Variants in FHOD3 observed in about 807,000 individuals in gnomAD.
FHOD3 encodes the protein FH1/FH2 domain-containing protein 3.
In FHOD3, 90 loss-of-function variants were observed where a neutral mutation model predicts 173.0. The observed-to-expected ratio is 0.52, with a 90% CI of 0.44 to 0.62. The LOEUF (loss-of-function observed/expected upper bound fraction) is 0.62, where lower values mean the gene tolerates loss of function less well. Ranked by LOEUF, FHOD3 falls within the 20% of genes least tolerant of loss-of-function variation. FHOD3 has a pLI of 0.00. For synonymous variants in FHOD3, 828 were observed against 823.0 expected, an observed-to-expected ratio of 1.01 and a Z score of -0.10; for missense variants, 1,945 against 2,034.7, an observed-to-expected ratio of 0.96 and a Z score of 0.85.
At chr18:36,760,994 T>G (rs2042853296) in intron 27 of FHOD3, among the ~76,000 whole-genome samples, 2 of 152,230 alleles carry the variant, frequency 1.3e-5, no homozygotes, top group Non-Finnish European at 2.9e-5. Flanking sequence ...TACCTCACTT[T>G]ACACAGAGGG....
intron 4 of FHOD3, among the ~76,000 whole-genome samples, chr18:36,505,305 C>T (rs1472059044): frequency 6.6e-6 from 1 of 152,148 alleles, no homozygotes; most frequent in Non-Finnish European, 1.5e-5. Context: ...TGGGCAGTGG[C>T]GTAAGTGTGA....
At chr18:36,426,503 G>C (rs1369486603) in intron 3 of FHOD3, among the ~76,000 whole-genome samples, 2 of 152,186 alleles carry the variant, frequency 1.3e-5, no homozygotes. Context: ...AGTGAGCAGA[G>C]CCTGAGGAAT....
intron 5 of FHOD3, among the ~76,000 whole-genome samples, chr18:36,566,285 C>A (rs2058260630): frequency 6.6e-6 from 1 of 152,142 alleles, no homozygotes; most frequent in Non-Finnish European, 1.5e-5. Context: ...TCTAATGTAT[C>A]TCTAAGAAAA....
intron 1 of FHOD3, among the ~76,000 whole-genome samples, chr18:36,336,477 G>T (rs1169559661): frequency 6.6e-6 from 1 of 152,152 alleles, no homozygotes; most frequent in Non-Finnish European, 1.5e-5. Context: ...ATTTCACAGT[G>T]GATTCTCACT....
chr18:36,422,394 A>G (rs1180787934), intron 3 of FHOD3, among the ~76,000 whole-genome samples: 1 of 152,214 alleles, frequency 6.6e-6, no homozygotes, highest in Non-Finnish European at 1.5e-5. Flanking sequence ...GTTGAAGGAT[A>G]GTTAGTCTGC....
At chr18:36,748,881 G>T (rs2150134057) in intron 24 of FHOD3, among the ~76,000 whole-genome samples, 1 of 152,190 alleles carries the variant, frequency 6.6e-6, no homozygotes, top group South Asian at 2.1e-4. Flanking sequence ...CAAGGACTGT[G>T]CCTCATTTTT....
chr18:36,692,251 A>AC (rs778185925), intron 16 of FHOD3, among the ~76,000 whole-genome samples: 23 of 152,222 alleles, frequency 1.5e-4, no homozygotes, highest in Non-Finnish European at 3.1e-4. Flanking sequence ...TAAATGAGGA[A>AC]CACCATGTCT....
chr18:36,738,562 A>G (rs1321329923), intron 20 of FHOD3, among the ~76,000 whole-genome samples: 1 of 152,202 alleles, frequency 6.6e-6, no homozygotes, highest in Non-Finnish European at 1.5e-5. Context: ...TAAAAGTTTC[A>G]TAGTATTCCA....
Position 36,658,141 on chromosome 18 carries a change from C to G in FHOD3, c.1788C>G (p.Thr596=), listed in dbSNP as rs767525109. ...SRPSSGSSVP[T]TPTSSVSPPQ... is the part of the protein sequence containing the mutation. The stretch of plus-strand genomic sequence containing the variant: ...CCTCATCTGGATCCAGTGTGCCCAC[C>G]ACCCCCACATCATCCGTCTCACCCC... The change falls in exon 14 of 29, where the codon ACC becomes ACG. Residue 596 remains threonine, a synonymous_variant. Transcript: ENST00000590592. The G allele has an allele frequency of 1.9e-6, 3 of 1,592,432 alleles. No homozygotes were observed. The highest frequency in any genetic ancestry group is 2.4e-5 in the East Asian group (1 of 42,490).
chr18:36,454,214 GCA>G lies in FHOD3; in HGVS notation c.338-47703_338-47702del, dbSNP rs137890720. ...GGGAAGGAAAGGAGATGGAGAGCTG[GCA>G]CACACACACACACAGGAGGGCACAC... On this transcript the variant is annotated intron_variant, in intron 3 of 28. Transcript: ENST00000590592. Among the ~76,000 whole-genome samples the G allele has an allele frequency of 6.6e-5, 10 of 150,494 alleles. No individual in the cohort carries two copies. The East Asian group carries it at 9.8e-4, about 15-fold the overall frequency.
chr18:36,524,710 A>G lies in FHOD3; in HGVS notation c.511+12167A>G, dbSNP rs1314275439. On this transcript the variant is annotated intron_variant, in intron 5 of 28. Transcript: ENST00000590592. ...ATCTGTCTTTTCCCAGCTCTTCCAG[A>G]TCTTAATCTGGAGGATTGAATAAAC... Among the ~76,000 whole-genome samples the G allele has an allele frequency of 3.9e-5, 6 of 152,224 alleles. No individual in the cohort carries two copies. In the East Asian group the frequency reaches 7.7e-4, roughly 20 times the overall value.
At chr18:36,490,173 T>C (rs948636168) in intron 3 of FHOD3, among the ~76,000 whole-genome samples, 1 of 152,202 alleles carries the variant, frequency 6.6e-6, no homozygotes, top group Non-Finnish European at 1.5e-5. Context: ...CTCTCTACCA[T>C]TCTTTGATTC....
intron 5 of FHOD3, among the ~76,000 whole-genome samples, chr18:36,548,292 T>C (rs2057497449): frequency 6.6e-6 from 1 of 152,196 alleles, no homozygotes; most frequent in Non-Finnish European, 1.5e-5. Flanking sequence ...AGTGCAAAGA[T>C]AGAGTCAGCA....
intron 16 of FHOD3, among the ~76,000 whole-genome samples, chr18:36,689,238 A>G (rs1315181520): frequency 6.6e-6 from 1 of 152,238 alleles, no homozygotes; most frequent in African/African-American, 2.4e-5. Context: ...GAATTTGGAA[A>G]TGGAAACTAG....
chr18:36,675,491 A>G (rs1422043031), intron 14 of FHOD3, among the ~76,000 whole-genome samples: 1 of 152,088 alleles, frequency 6.6e-6, no homozygotes, highest in Non-Finnish European at 1.5e-5. Flanking sequence ...CTCCCAGTGC[A>G]CAGCCCTGAG....
chr18:36,430,192 C>T (rs1322223553), intron 3 of FHOD3, among the ~76,000 whole-genome samples: 1 of 152,154 alleles, frequency 6.6e-6, no homozygotes, highest in Non-Finnish European at 1.5e-5. Flanking sequence ...CTCCATTTGC[C>T]ACAAGACTAG....
In FHOD3 at chr18:36,476,260, C is replaced by T. The variant is rs186141971; in HGVS notation, c.338-25672C>T. 2.4e-4 allele frequency among the ~76,000 whole-genome samples: 37 copies of T among 152,290 alleles called. 1 individual carries two copies. Among genetic ancestry groups the T allele is most frequent in the Admixed American group, 1.9e-3 (29 of 15,306 alleles). ...TTCCGCTGGGTGCTGCTGTAAGGAG[C>T]GTCTCACAGGCTGTCAGAGGGCCTG... On this transcript the variant is annotated intron_variant, in intron 3 of 28. Coordinates refer to ENST00000590592, the MANE Select transcript of FHOD3 (RefSeq NM_001281740.3).
chr18:36,510,094 T>G (rs565735589), intron 4 of FHOD3, among the ~76,000 whole-genome samples: 1 of 152,324 alleles, frequency 6.6e-6, no homozygotes, highest in Non-Finnish European at 1.5e-5. Flanking sequence ...GTGGAAGTTC[T>G]TTTCCAAACT....
chr18:36,489,669 C>A (rs1352782518), intron 3 of FHOD3, among the ~76,000 whole-genome samples: 1 of 151,804 alleles, frequency 6.6e-6, no homozygotes, highest in Non-Finnish European at 1.5e-5. Flanking sequence ...GAGACCCTGT[C>A]TCAAAAAATA....
Sources: gnomAD v4.1 joint callset for allele counts (sites outside exome capture counted in the v4.1 genomes callset) on GRCh38, gnomAD v4.1.1 for gene constraint, MANE v1.5 for transcripts, NCBI Gene and HGNC (gene_info 2026-07-23, HGNC 2026-07-21) for gene names.